Variants in NALF1 observed in about 807,000 individuals in gnomAD.
NALF1 encodes the protein family with sequence similarity 155 member A.
In NALF1, 3 loss-of-function variants were observed where a neutral mutation model predicts 48.4. The observed-to-expected ratio is 0.06, with a 90% CI of 0.03 to 0.16. The LOEUF (loss-of-function observed/expected upper bound fraction) is 0.16, where lower values mean the gene tolerates loss of function less well. Ranked by LOEUF, NALF1 falls within the 10% of genes least tolerant of loss-of-function variation. The pLI is 1.00. For missense variants in NALF1, 526 were observed against 571.5 expected (o/e 0.92, Z 0.81); for synonymous variants, 262 against 245.7 (o/e 1.07, Z -0.62).
chr13:107,702,752 T>A (rs1290104570), intron 1 of NALF1, among the ~76,000 whole-genome samples: 1 of 152,162 alleles, frequency 6.6e-6, no homozygotes, highest in East Asian at 1.9e-4. Context: ...TGTGTCCCTG[T>A]GTTCTCATCA....
intron 1 of NALF1, among the ~76,000 whole-genome samples, chr13:107,846,967 T>C (rs540587941): frequency 3.9e-5 from 6 of 152,314 alleles, no homozygotes; most frequent in Non-Finnish European, 7.3e-5. Flanking sequence ...TGCTCCAAAA[T>C]ACATTTTTAG....
chr13:107,324,820 T>C (rs1882321293), intron 1 of NALF1, among the ~76,000 whole-genome samples: 1 of 152,230 alleles, frequency 6.6e-6, no homozygotes, highest in Non-Finnish European at 1.5e-5. Context: ...TATTGATTGA[T>C]ATGTGACAGT....
intron 1 of NALF1, among the ~76,000 whole-genome samples, chr13:107,826,428 T>C (rs369824435): frequency 6.6e-6 from 1 of 152,202 alleles, no homozygotes; most frequent in East Asian, 1.9e-4. Context: ...CCCAATAGCA[T>C]GTGCATGCTT....
intron 1 of NALF1, among the ~76,000 whole-genome samples, chr13:107,655,728 G>A (rs114217996): frequency 0.036 from 5,389 of 151,516 alleles, 334 homozygotes; most frequent in African/African-American, 0.12. Context: ...AAAAAAAATT[G>A]TGGAGGCATC....
intron 1 of NALF1, among the ~76,000 whole-genome samples, chr13:107,600,972 G>A (rs1878908985): frequency 6.6e-6 from 1 of 152,044 alleles, no homozygotes; most frequent in Non-Finnish European, 1.5e-5. Context: ...CTGACAGATG[G>A]AGAGCTGATA....
intron 1 of NALF1, among the ~76,000 whole-genome samples, chr13:107,527,928 A>C (rs1311858301): frequency 6.6e-6 from 1 of 152,134 alleles, no homozygotes; most frequent in East Asian, 1.9e-4. Flanking sequence ...AAAACAAACT[A>C]ATACAAAGCC....
intron 1 of NALF1, among the ~76,000 whole-genome samples, chr13:107,386,094 T>C (rs1883526201): frequency 6.6e-6 from 1 of 152,114 alleles, no homozygotes; most frequent in Admixed American, 6.6e-5. Flanking sequence ...TAAAATTTTA[T>C]TGAATGCTAT....
intron 1 of NALF1, among the ~76,000 whole-genome samples, chr13:107,316,083 T>C (rs1882143923): frequency 1.3e-5 from 2 of 151,972 alleles, no homozygotes; most frequent in Admixed American, 1.3e-4. Context: ...GTGTGTGATG[T>C]TTCCCCTCCT....
chr13:107,740,256 A>C (rs1876593508), intron 1 of NALF1, among the ~76,000 whole-genome samples: 1 of 152,170 alleles, frequency 6.6e-6, no homozygotes, highest in African/African-American at 2.4e-5. Flanking sequence ...ATATATAGAA[A>C]ACTAGGCATT....
chr13:107,309,482 A>ATCAT (rs1254855048), intron 1 of NALF1, among the ~76,000 whole-genome samples: 11 of 152,246 alleles, frequency 7.2e-5, no homozygotes, highest in Non-Finnish European at 1.5e-4. Context: ...CACAGGCAAG[A>ATCAT]AAAGTCAGAG....
At chr13:107,769,390 G>A (rs1877511271) in intron 1 of NALF1, among the ~76,000 whole-genome samples, 1 of 147,782 alleles carries the variant, frequency 6.8e-6, no homozygotes, top group Admixed American at 6.8e-5. Flanking sequence ...GTCCTTTGTA[G>A]GGACGTGGAT....
chr13:107,387,105 C>T (rs2138979478), intron 1 of NALF1, among the ~76,000 whole-genome samples: 1 of 152,188 alleles, frequency 6.6e-6, no homozygotes, highest in Middle Eastern at 3.4e-3. Flanking sequence ...TAGATGCATC[C>T]CTGGGTAGAA....
At position 107,234,961 on chromosome 13, in the gene NALF1, C is replaced by T. The variant is rs561554150; in HGVS notation, c.916-24206G>A. ...CGAGCCACAGTACAGCTCCCATGCC[C>T]CACCGCCTCTCCACCTCCTTCAGCT... On this transcript the variant is annotated intron_variant, in intron 1 of 2. Transcript: ENST00000375915. Among the ~76,000 whole-genome samples, 371 of 152,232 alleles carry T rather than the reference C, an allele frequency of 2.4e-3. 3 individuals are homozygous for T. Among genetic ancestry groups the T allele is most frequent in the Middle Eastern group, 6.8e-3 (2 of 294 alleles).
chr13:107,289,383 G>A (rs984721849), intron 1 of NALF1, among the ~76,000 whole-genome samples: 6 of 152,102 alleles, frequency 3.9e-5, no homozygotes, highest in African/African-American at 1.4e-4. Flanking sequence ...AACAGTACCT[G>A]GCACAAAATA....
At chr13:107,567,853 C>T (rs914687854) in intron 1 of NALF1, among the ~76,000 whole-genome samples, 1 of 152,176 alleles carries the variant, frequency 6.6e-6, no homozygotes, top group Non-Finnish European at 1.5e-5. Flanking sequence ...AGTTCAGAAA[C>T]GTTACATAAA....
At chr13:107,589,406 A>C (rs957459136) in intron 1 of NALF1, among the ~76,000 whole-genome samples, 4 of 152,192 alleles carry the variant, frequency 2.6e-5, no homozygotes, top group Admixed American at 2.6e-4. Flanking sequence ...GTGTATAAAA[A>C]TAATTGCTGA....
intron 1 of NALF1, among the ~76,000 whole-genome samples, chr13:107,484,459 A>G (rs1415499811): frequency 3.3e-5 from 5 of 152,170 alleles, no homozygotes; most frequent in African/African-American, 1.2e-4. Flanking sequence ...TGGCAGGGGA[A>G]GAATATATGC....
chr13:107,225,717 AC>A (rs1880088065), intron 1 of NALF1, among the ~76,000 whole-genome samples: 1 of 152,156 alleles, frequency 6.6e-6, no homozygotes, highest in Non-Finnish European at 1.5e-5. Flanking sequence ...AACAAAGTAA[AC>A]TTAGCAATCA....
chr13:107,745,096 G>A (rs1480782930), intron 1 of NALF1, among the ~76,000 whole-genome samples: 2 of 152,236 alleles, frequency 1.3e-5, no homozygotes, highest in Non-Finnish European at 2.9e-5. Context: ...AGTCCACGGT[G>A]AGGAAGGTCT....
Sources: gnomAD v4.1 joint callset for allele counts (sites outside exome capture counted in the v4.1 genomes callset) on GRCh38, gnomAD v4.1.1 for gene constraint, MANE v1.5 for transcripts, NCBI Gene and HGNC (gene_info 2026-07-23, HGNC 2026-07-21) for gene names.